SBF2: variants seen among roughly 807,000 people sequenced by gnomAD.
SBF2 encodes myotubularin-related protein 13.
A neutral mutation model predicts 225.2 loss-of-function variants in SBF2; 112 were observed. That is an observed-to-expected ratio of 0.50 (90% CI 0.43 to 0.58). SBF2 has a LOEUF of 0.58. Among genes scored for constraint, SBF2 ranks in the 20% least tolerant of loss-of-function variants. The probability of loss-of-function intolerance (pLI) is 0.00; values close to 1 mark genes in which losing one functional copy is unlikely to be tolerated. For synonymous variants in SBF2, 763 were observed against 773.3 expected (o/e 0.99, Z 0.22); for missense variants, 1,996 against 2,206.2 (o/e 0.90, Z 1.91).
Position 9,789,236 on chromosome 11 carries a change from T to C in SBF2, c.4805A>G (p.Lys1602Arg), listed in dbSNP as rs147772705. The part of the protein sequence containing the change: ...PSYDWMMLTP[K>R]HFPSEDSDLA... The stretch of plus-strand genomic sequence containing the variant: ...GTCAGAGTCTTCGGAGGGGAAGTGC[T>C]TGGGGGTTAGCATCATCCAGTCATA... Residue 1602 changes from lysine (K) to arginine (R), a missense_variant, in exon 35 of 40, where the codon AAG (lysine) becomes AGG (arginine). Coordinates refer to ENST00000256190, the MANE Select transcript of SBF2 (RefSeq NM_030962.4). 8.7e-5 allele frequency: 141 copies of C among 1,614,166 alleles called. 1 individual carries two copies. In the African/African-American group the frequency reaches 1.6e-3, roughly 18 times the overall value.
At chr11:10,190,121 A>G (rs1322045815) in intron 2 of SBF2, among the ~76,000 whole-genome samples, 4 of 149,260 alleles carry the variant, frequency 2.7e-5, no homozygotes, top group African/African-American at 9.9e-5. Flanking sequence ...ACTGCACTCC[A>G]GCCTGGGCAA....
chr11:9,970,991 T>C (rs924703150), intron 13 of SBF2, among the ~76,000 whole-genome samples: 1 of 152,228 alleles, frequency 6.6e-6, no homozygotes, highest in African/African-American at 2.4e-5. Context: ...AAAAGTAGTG[T>C]TTTTGTTCTT....
intron 1 of SBF2, among the ~76,000 whole-genome samples, chr11:10,217,534 C>T (rs1383059634): frequency 1.3e-5 from 2 of 152,002 alleles, no homozygotes; most frequent in East Asian, 1.9e-4. Flanking sequence ...GCAAATAACC[C>T]CTGACAACTT....
intron 16 of SBF2, chr11:9,928,964 A>C: frequency 4.2e-6 from 2 of 475,748 alleles, no homozygotes; most frequent in Non-Finnish European, 8.2e-6. Flanking sequence ...GTCATAAAGC[A>C]GCAGAGATAA....
intron 32 of SBF2, among the ~76,000 whole-genome samples, chr11:9,805,939 TTGA>T (rs1314501316): frequency 6.6e-6 from 1 of 152,202 alleles, no homozygotes; most frequent in Non-Finnish European, 1.5e-5. Context: ...CTAGATGGTC[TTGA>T]TGAAGGGTGG....
rs120074138 is a variant in SBF2, at chr11:9,832,290, G to A, written c.3586C>T (p.Arg1196Ter). 1.2e-6 allele frequency: 2 copies of A among 1,614,158 alleles called. No homozygotes were observed. The highest frequency in any genetic ancestry group is 1.1e-5 in the South Asian group (1 of 91,084). ...KNSRSGTLLL[R>*]SGGFHGKGVV... ...CCCTTCCCATGGAATCCTCCAGATCGGAGGAGCAGAGTACCACTTCTTGAG... is the reference window on the plus strand; with the variant it reads ...CCCTTCCCATGGAATCCTCCAGATCAGAGGAGCAGAGTACCACTTCTTGAG... Residue 1196 changes from arginine (R) to a stop codon, truncating the protein, a stop_gained, in exon 27 of 40, where the codon CGA becomes TGA. Coordinates refer to ENST00000256190, the MANE Select transcript of SBF2 (RefSeq NM_030962.4). LOFTEE classifies it high-confidence loss of function.
intron 17 of SBF2, among the ~76,000 whole-genome samples, chr11:9,873,051 A>C (rs1003664149): frequency 1.3e-5 from 2 of 151,826 alleles, no homozygotes; most frequent in East Asian, 3.9e-4. Flanking sequence ...CCAAAAATAC[A>C]AAAAATTAGC....
At chr11:9,908,981 C>A (rs958227473) in intron 16 of SBF2, among the ~76,000 whole-genome samples, 1 of 151,872 alleles carries the variant, frequency 6.6e-6, no homozygotes, top group East Asian at 1.9e-4. Flanking sequence ...AGCCATCATA[C>A]CCAGCCTATT....
At chr11:9,916,477 T>C (rs1395101180) in intron 16 of SBF2, among the ~76,000 whole-genome samples, 1 of 152,212 alleles carries the variant, frequency 6.6e-6, no homozygotes, top group Non-Finnish European at 1.5e-5. Flanking sequence ...TCAATACATT[T>C]TTTTCACACT....
intron 2 of SBF2, among the ~76,000 whole-genome samples, chr11:10,137,325 A>G (rs1225645036): frequency 6.6e-6 from 1 of 152,222 alleles, no homozygotes; most frequent in Admixed American, 6.5e-5. Flanking sequence ...TATACACATA[A>G]TGATGTCAAC....
intron 2 of SBF2, among the ~76,000 whole-genome samples, chr11:10,080,376 C>CA (rs1565207381): frequency 6.6e-6 from 1 of 151,034 alleles, no homozygotes; most frequent in Non-Finnish European, 1.5e-5. Flanking sequence ...CCGGTCCTAT[C>CA]AAAAAAACTC....
intron 6 of SBF2, among the ~76,000 whole-genome samples, chr11:10,007,823 C>A (rs1304347173): frequency 1.3e-5 from 2 of 152,180 alleles, no homozygotes; most frequent in Non-Finnish European, 2.9e-5. Flanking sequence ...AGGTCAGTAG[C>A]CCCAGTGGAC....
At chr11:10,185,164 A>T (rs561868973) in intron 2 of SBF2, among the ~76,000 whole-genome samples, 3 of 151,910 alleles carry the variant, frequency 2.0e-5, no homozygotes, top group Non-Finnish European at 4.4e-5. Flanking sequence ...TTGTCTATTC[A>T]TCTGTCTATG....
At chr11:9,941,068 C>A (rs1041106995) in intron 16 of SBF2, among the ~76,000 whole-genome samples, 2 of 152,168 alleles carry the variant, frequency 1.3e-5, no homozygotes, top group Admixed American at 6.5e-5. Context: ...GTAATCCCAG[C>A]ACTTTGGGAG....
chr11:10,113,620 C>T lies in SBF2; in HGVS notation c.142-70639G>A, dbSNP rs192543652. On this transcript the variant is annotated intron_variant, in intron 2 of 39. Coordinates refer to ENST00000256190, the MANE Select transcript of SBF2 (RefSeq NM_030962.4). ...GATGGCAAATAAGCAAAACATGATC[C>T]GTGCCCTTATAAAGGTTACTTTTTA... 3.8e-3 allele frequency among the ~76,000 whole-genome samples: 579 copies of T among 151,920 alleles called. 4 individuals are homozygous for T. The highest frequency in any genetic ancestry group is 5.4e-3 in the South Asian group (26 of 4,812).
chr11:10,077,889 C>G (rs1167863641), intron 2 of SBF2, among the ~76,000 whole-genome samples: 1 of 152,184 alleles, frequency 6.6e-6, no homozygotes, highest in Non-Finnish European at 1.5e-5. Flanking sequence ...AACTATCCAT[C>G]TGACAAAGGG....
In SBF2 at chr11:10,197,512, A is replaced by G. The variant is rs377726087; in HGVS notation, c.56-3525T>C. ...CTATCAATCATCTGAGGCTTTAGCAAGTTGTAATCTTTTTGCTGGTAGAAT... is the reference window on the plus strand; with the variant it reads ...CTATCAATCATCTGAGGCTTTAGCAGGTTGTAATCTTTTTGCTGGTAGAAT... On this transcript the variant is annotated intron_variant, in intron 1 of 39. Transcript: ENST00000256190. Among the ~76,000 whole-genome samples the G allele has an allele frequency of 3.9e-5, 6 of 152,374 alleles. No homozygotes were observed. In the East Asian group the frequency reaches 7.7e-4, roughly 20 times the overall value.
chr11:10,178,335 T>A (rs1475908148), intron 2 of SBF2, among the ~76,000 whole-genome samples: 2 of 148,978 alleles, frequency 1.3e-5, no homozygotes, highest in African/African-American at 5.0e-5. Flanking sequence ...AAGCCAAAAT[T>A]GACAAATGGG....
intron 2 of SBF2, among the ~76,000 whole-genome samples, chr11:10,108,746 G>A (rs926979586): frequency 1.3e-5 from 2 of 151,380 alleles, no homozygotes; most frequent in Middle Eastern, 3.4e-3. Flanking sequence ...GGATGGTCTC[G>A]ATCTCCTGAC....
Sources: gnomAD v4.1 joint callset for allele counts (sites outside exome capture counted in the v4.1 genomes callset) on GRCh38, gnomAD v4.1.1 for gene constraint, MANE v1.5 for transcripts, NCBI Gene and HGNC (gene_info 2026-07-23, HGNC 2026-07-21) for gene names.